Variants in SH3GL2 observed in about 807,000 individuals in gnomAD.
The protein encoded by SH3GL2 is endophilin-A1.
In SH3GL2, 24 loss-of-function variants were observed where a neutral mutation model predicts 46.0. That is an observed-to-expected ratio of 0.52 (90% CI 0.38 to 0.73). SH3GL2 has a LOEUF of 0.73. Among genes scored for constraint, SH3GL2 ranks in the 30% least tolerant of loss-of-function variants. The pLI is 0.00. For synonymous variants in SH3GL2, 196 were observed against 147.1 expected, an observed-to-expected ratio of 1.33 and a Z score of -2.40; for missense variants, 413 against 424.2, an observed-to-expected ratio of 0.97 and a Z score of 0.23.
intron 1 of SH3GL2, among the ~76,000 whole-genome samples, chr9:17,739,623 TAA>T (rs1822466163): frequency 7.1e-5 from 1 of 14,168 alleles, no homozygotes; most frequent in Non-Finnish European, 1.3e-4. Context: ...AAATGCCAGT[TAA>T]TTTTATTCAG....
At chr9:17,774,995 G>A (rs527590771) in intron 3 of SH3GL2, among the ~76,000 whole-genome samples, 1 of 152,048 alleles carries the variant, frequency 6.6e-6, no homozygotes, top group Non-Finnish European at 1.5e-5. Flanking sequence ...CTATTTCTTT[G>A]TGAGTTAGTC....
intron 1 of SH3GL2, among the ~76,000 whole-genome samples, chr9:17,720,985 T>C (rs1821881436): frequency 6.6e-6 from 1 of 152,048 alleles, no homozygotes; most frequent in African/African-American, 2.4e-5. Flanking sequence ...TTGTGGCACA[T>C]AAGACATGGG....
chr9:17,793,542 TC>T (rs748223920), intron 8 of SH3GL2, 45 bp downstream of exon 8: 1 of 1,592,402 alleles, frequency 6.3e-7, no homozygotes. Flanking sequence ...CCTTGGCATA[TC>T]CATTGGCACT....
chr9:17,608,229 G>T (rs181166279), intron 1 of SH3GL2, among the ~76,000 whole-genome samples: 4 of 140,782 alleles, frequency 2.8e-5, no homozygotes, highest in Non-Finnish European at 4.5e-5. Flanking sequence ...CTCACTGCAA[G>T]CTCTGCCTCC....
rs1351088754 is a variant in SH3GL2, at chr9:17,795,852, C to T, written c.*109C>T. 2.0e-5 allele frequency: 17 copies of T among 834,990 alleles called. 1 individual carries two copies. The highest frequency in any genetic ancestry group is 5.2e-5 in the South Asian group (3 of 58,138). The allele number at this position is 834,990 out of a possible 1,614,324, so 51.7% of individuals were successfully genotyped here. On this transcript the variant is annotated 3_prime_UTR_variant, in exon 9 of 9. Transcript: ENST00000380607. Reference sequence around the variant, plus strand: ...CCCAAGTGCAGGCCGCAGTGGTCCACGTCATCCAGCCCCACCAAGTGACTT... The same window carrying T: ...CCCAAGTGCAGGCCGCAGTGGTCCATGTCATCCAGCCCCACCAAGTGACTT...
rs771029418 is a variant in SH3GL2, at chr9:17,795,533, C to T, written c.860-11C>T. ...TTGTGTTCTTCTCTTCTCTCCTGCT[C>T]TTACTCCCAGGTGTCCAAATGGATC... On this transcript the variant is annotated splice_polypyrimidine_tract_variant and intron_variant, in intron 8 of 8. Transcript: ENST00000380607. 1 of 1,610,828 alleles carries T rather than the reference C, an allele frequency of 6.2e-7. No homozygotes were observed. The highest frequency in any genetic ancestry group is 1.3e-5 in the African/African-American group (1 of 74,842).
intron 1 of SH3GL2, among the ~76,000 whole-genome samples, chr9:17,737,361 TAAG>T (rs1822369669): frequency 1.3e-5 from 2 of 151,730 alleles, no homozygotes; most frequent in African/African-American, 2.4e-5. Flanking sequence ...TTTTAAAAAA[TAAG>T]AAAAAAAGTA....
chr9:17,757,731 A>G (rs1206388648), intron 2 of SH3GL2, among the ~76,000 whole-genome samples: 2 of 152,240 alleles, frequency 1.3e-5, no homozygotes, highest in African/African-American at 4.8e-5. Context: ...AATGGCAATA[A>G]GCTCAATTCT....
chr9:17,602,239 T>A (rs1287070151), intron 1 of SH3GL2, among the ~76,000 whole-genome samples: 1 of 152,158 alleles, frequency 6.6e-6, no homozygotes, highest in Non-Finnish European at 1.5e-5. Context: ...AGAAATGATC[T>A]TTATTTTTGG....
At chr9:17,732,052 G>T (rs1213172849) in intron 1 of SH3GL2, among the ~76,000 whole-genome samples, 2 of 152,172 alleles carry the variant, frequency 1.3e-5, no homozygotes, top group Non-Finnish European at 2.9e-5. Context: ...TTTGACTGTT[G>T]TGTCTGATCA....
chr9:17,603,973 ATAAAAGT>A (rs1425669645), intron 1 of SH3GL2, among the ~76,000 whole-genome samples: 1 of 152,224 alleles, frequency 6.6e-6, no homozygotes, highest in Non-Finnish European at 1.5e-5. Context: ...TTTACTACAA[ATAAAAGT>A]TAAAAAATAG....
intron 1 of SH3GL2, among the ~76,000 whole-genome samples, chr9:17,682,460 C>A (rs1820797005): frequency 6.6e-6 from 1 of 151,998 alleles, no homozygotes; most frequent in Non-Finnish European, 1.5e-5. Context: ...CACACAGGAA[C>A]AGAAAATCAA....
At chr9:17,725,860 C>T (rs1822008855) in intron 1 of SH3GL2, among the ~76,000 whole-genome samples, 1 of 152,080 alleles carries the variant, frequency 6.6e-6, no homozygotes, top group African/African-American at 2.4e-5. Flanking sequence ...GCAGCCTGCC[C>T]CTTTCAGGTG....
chr9:17,675,922 G>A (rs974661495), intron 1 of SH3GL2, among the ~76,000 whole-genome samples: 9 of 152,182 alleles, frequency 5.9e-5, no homozygotes, highest in African/African-American at 2.2e-4. Flanking sequence ...TCCAGCCTGG[G>A]CGACAGAGCG....
At chr9:17,701,421 T>C (rs1055445661) in intron 1 of SH3GL2, among the ~76,000 whole-genome samples, 1 of 151,916 alleles carries the variant, frequency 6.6e-6, no homozygotes. Context: ...TGGGTGAGGG[T>C]AGGACTTGAG....
chr9:17,649,764 C>G (rs1439029357), intron 1 of SH3GL2, among the ~76,000 whole-genome samples: 1 of 152,122 alleles, frequency 6.6e-6, no homozygotes, highest in African/African-American at 2.4e-5. Context: ...ATGTAATATT[C>G]TTTTTCTGAG....
intron 1 of SH3GL2, among the ~76,000 whole-genome samples, chr9:17,683,497 C>G (rs2182084): frequency 0.54 from 82,359 of 151,822 alleles, 23,592 homozygotes; most frequent in African/African-American, 0.71. Flanking sequence ...ATTGCTGTAC[C>G]TTTGGAGGAG....
intron 1 of SH3GL2, among the ~76,000 whole-genome samples, chr9:17,593,123 G>T (rs1818514811): frequency 6.6e-6 from 1 of 152,160 alleles, no homozygotes; most frequent in African/African-American, 2.4e-5. Flanking sequence ...CTTCCATCTG[G>T]CTGTTCATCT....
At chr9:17,616,964 C>A (rs1588176150) in intron 1 of SH3GL2, among the ~76,000 whole-genome samples, 1 of 152,164 alleles carries the variant, frequency 6.6e-6, no homozygotes, top group African/African-American at 2.4e-5. Flanking sequence ...GTTACTGTTA[C>A]CATGTTTTCC....
Sources: allele counts gnomAD v4.1 joint callset (sites outside exome capture counted in the v4.1 genomes callset), GRCh38; gene constraint gnomAD v4.1.1; transcripts MANE v1.5; gene names NCBI Gene and HGNC (gene_info 2026-07-23, HGNC 2026-07-21).